The following ANKRD11 variants were observed in gnomAD, a reference collection of about 807,000 sequenced individuals.
ANKRD11 encodes ankyrin repeat domain 11, also known as ankyrin repeat domain-containing protein 11.
A neutral mutation model predicts 195.7 loss-of-function variants in ANKRD11; 17 were observed. That is an observed-to-expected ratio of 0.09 (90% confidence interval 0.06 to 0.13). The LOEUF is 0.13. Ranked by LOEUF, ANKRD11 falls within the 10% of genes least tolerant of loss-of-function variation. The probability of loss-of-function intolerance (pLI) is 1.00; values close to 1 mark genes in which losing one functional copy is unlikely to be tolerated. For missense variants in ANKRD11, 3,735 were observed against 3,566.1 expected (o/e 1.05, Z -1.21); for synonymous variants, 1,953 against 1,528.1 (o/e 1.28, Z -6.49).
chr16:89,466,652 G>A (rs907407996), intron 1 of ANKRD11, among the ~76,000 whole-genome samples: 1 of 152,006 alleles, frequency 6.6e-6, no homozygotes, highest in South Asian at 2.1e-4. Context: ...ACCATAATGA[G>A]GTTAAAAGAA....
intron 2 of ANKRD11, among the ~76,000 whole-genome samples, chr16:89,342,635 C>T (rs1001438963): frequency 1.3e-5 from 2 of 152,140 alleles, no homozygotes; most frequent in Non-Finnish European, 2.9e-5. Context: ...TGAATAAATC[C>T]CCAAGTATGA....
At chr16:89,354,005 C>T (rs907723146) in intron 2 of ANKRD11, among the ~76,000 whole-genome samples, 1 of 152,116 alleles carries the variant, frequency 6.6e-6, no homozygotes, top group African/African-American at 2.4e-5. Flanking sequence ...AGCTGAATGC[C>T]CCAAGTCTGT....
rs763207005 is a variant in ANKRD11 at position 89,280,568 on chromosome 16, T to C, written c.5974A>G (p.Lys1992Glu). The C allele has an allele frequency of 7.4e-6, 12 of 1,613,066 alleles. No individual in the cohort carries two copies. The highest frequency in any genetic ancestry group is 6.7e-5 in the African/African-American group (5 of 74,868). The change falls in exon 9 of 13, where the codon AAG becomes GAG. Residue 1992 changes from lysine (K) to glutamate (E), a missense_variant. By Grantham distance (56) the Lys-to-Glu change is moderately conservative. Coordinates refer to ENST00000301030, the MANE Select transcript of ANKRD11 (RefSeq NM_013275.6). ...AGGGGGTCCGCGGGGCAGAAACGCT[T>C]TGGGGACTCGGGGAATCTCTGTGGA... ...KSPQRFPESP[K>E]RFCPADPLHS... is the part of the protein sequence containing the mutation.
chr16:89,476,483 G>T (rs1374896208), intron 1 of ANKRD11, among the ~76,000 whole-genome samples: 3 of 152,142 alleles, frequency 2.0e-5, no homozygotes, highest in African/African-American at 7.2e-5. Flanking sequence ...ACCAAAACCT[G>T]GCCAAACCAG....
At position 89,341,486 on chromosome 16, in the gene ANKRD11, G is replaced by A. The variant is rs187133045; in HGVS notation, c.-59-24408C>T. Among the ~76,000 whole-genome samples the A allele has an allele frequency of 1.7e-3, 266 of 152,238 alleles. 2 individuals are homozygous for A. Among genetic ancestry groups the A allele is most frequent in the Non-Finnish European group, 6.5e-4 (44 of 68,012 alleles). The stretch of plus-strand genomic sequence containing the variant: ...AAGGCCTGTGTGGGCTGCTGGGCTC[G>A]TCACCTTAGCAACGGCTCTAAACAT... On this transcript the variant is annotated intron_variant, in intron 2 of 12. Coordinates refer to ENST00000301030, the MANE Select transcript of ANKRD11 (RefSeq NM_013275.6).
intron 2 of ANKRD11, among the ~76,000 whole-genome samples, chr16:89,404,621 A>G (rs1377762712): frequency 6.6e-6 from 1 of 152,170 alleles, no homozygotes; most frequent in Admixed American, 6.5e-5. Flanking sequence ...CTAGGTCAGG[A>G]GAAGACAGAC....
At chr16:89,434,949 A>G (rs9931120) in intron 1 of ANKRD11, among the ~76,000 whole-genome samples, 77,177 of 152,090 alleles carry the variant, frequency 0.51, 19,818 homozygotes, top group Middle Eastern at 0.69. Context: ...AGCAGGGCGC[A>G]GGCCCAGGTG....
At chr16:89,276,613 C>T (rs1029199296) in intron 9 of ANKRD11, among the ~76,000 whole-genome samples, 1 of 152,166 alleles carries the variant, frequency 6.6e-6, no homozygotes, top group Non-Finnish European at 1.5e-5. Flanking sequence ...AGACAGGGCA[C>T]GGGAGGGCCT....
chr16:89,426,529 TCACACACACACACA>T (rs55664494), intron 1 of ANKRD11, among the ~76,000 whole-genome samples: 17 of 142,356 alleles, frequency 1.2e-4, no homozygotes, highest in South Asian at 2.4e-4. Flanking sequence ...CACTTAAACA[TCACACACACACACA>T]CACACACACA....
intron 2 of ANKRD11, chr16:89,395,663 G>A (rs1485555782): frequency 6.6e-6 from 1 of 152,238 alleles, no homozygotes; most frequent in African/African-American, 2.4e-5. Flanking sequence ...GGTGTGAAAT[G>A]TTTGAAAAGT....
chr16:89,285,405 A>G lies in ANKRD11; in HGVS notation c.1137T>C (p.Ser379=), dbSNP rs1362589941. ...KDYRKETKSN[S]FISIPKMEVK... Reference sequence around the variant, plus strand: ...CCTCCATTTTGGGTATAGAGATAAAACTATTGGATTTCGTTTCTTTTCTGT... The same window carrying G: ...CCTCCATTTTGGGTATAGAGATAAAGCTATTGGATTTCGTTTCTTTTCTGT... The change falls in exon 9 of 13, where the codon AGT becomes AGC. Residue 379 remains serine, a synonymous_variant. Coordinates refer to ENST00000301030, the MANE Select transcript of ANKRD11 (RefSeq NM_013275.6). The surrounding 1 kb of genome is among the most constrained non-coding windows in gnomAD (Gnocchi z 5.6). The G allele has an allele frequency of 6.2e-7, 1 of 1,613,898 alleles. No individual in the cohort carries two copies. The highest frequency in any genetic ancestry group is 8.5e-7 in the Non-Finnish European group (1 of 1,180,016).
At position 89,291,595 on chromosome 16, in the gene ANKRD11, T is replaced by C. The variant is rs2035069359; in HGVS notation, c.227-412A>G. On this transcript the variant is annotated intron_variant, in intron 4 of 12. Transcript: ENST00000301030. This position sits in a 1 kb window ranked among gnomAD's most constrained non-coding sequence, Gnocchi z 5.3. ...CTGTAATTCAATTCCACCTTCCCCG[T>C]CCCTCCTCCAAACAGTGCAGATATA... The C allele has an allele frequency of 1.9e-6, 2 of 1,061,536 alleles. No individual in the cohort carries two copies. Among genetic ancestry groups the C allele is most frequent in the Non-Finnish European group, 2.6e-6 (2 of 778,356 alleles). 65.8% of individuals were successfully genotyped at this position (1,061,536 alleles called of 1,614,324 possible).
chr16:89,273,123 A>G (rs1434438673), intron 11 of ANKRD11: 2 of 151,972 alleles, frequency 1.3e-5, no homozygotes, highest in African/African-American at 2.4e-5. Context: ...AGTCAATAGT[A>G]ACTGCATTGT....
chr16:89,405,135 G>A (rs542361530), intron 2 of ANKRD11, among the ~76,000 whole-genome samples: 3 of 152,100 alleles, frequency 2.0e-5, no homozygotes, highest in Non-Finnish European at 4.4e-5. Flanking sequence ...GCGAGGTTGC[G>A]GTGAGTGGAG....
chr16:89,279,180 G>T lies in ANKRD11; in HGVS notation c.7362C>A (p.Ile2454=). 6.2e-7 allele frequency: 1 copy of T among 1,612,852 alleles called. No individual in the cohort carries two copies. The highest frequency in any genetic ancestry group is 8.5e-7 in the Non-Finnish European group (1 of 1,179,918). ...GCGCCTGCGGCGTGATACAGCACAG[G>T]ATCTTGCGCTTCTCCTCGATCTTCT... ...IRKKIEEKRK[I]LCCITPQAPQ... Residue 2454 remains isoleucine, a synonymous_variant, in exon 9 of 13, where the codon ATC becomes ATA. Transcript: ENST00000301030. The surrounding 1 kb of genome is among the most constrained non-coding windows in gnomAD (Gnocchi z 5.6).
intron 2 of ANKRD11, among the ~76,000 whole-genome samples, chr16:89,336,154 T>C (rs1276110496): frequency 6.6e-6 from 1 of 152,250 alleles, no homozygotes; most frequent in Admixed American, 6.5e-5. Flanking sequence ...CCCAGGCCTC[T>C]GGCCACTTGT....
intron 1 of ANKRD11, among the ~76,000 whole-genome samples, chr16:89,440,199 G>T (rs574357706): frequency 6.6e-6 from 1 of 152,338 alleles, no homozygotes; most frequent in East Asian, 1.9e-4. Context: ...TCCTCCGGAA[G>T]AATTCAGTGT....
chr16:89,335,040 T>A (rs2038275612), intron 2 of ANKRD11, among the ~76,000 whole-genome samples: 1 of 152,074 alleles, frequency 6.6e-6, no homozygotes, highest in African/African-American at 2.4e-5. Context: ...TGTGTGCCAT[T>A]TCCTCCACGG....
At chr16:89,273,208 C>T (rs191543048) in intron 11 of ANKRD11, among the ~76,000 whole-genome samples, 1 of 152,102 alleles carries the variant, frequency 6.6e-6, no homozygotes, top group Non-Finnish European at 1.5e-5. Context: ...AGGGGATGGA[C>T]ACCCATTGGA....
Sources: allele counts gnomAD v4.1 joint callset (sites outside exome capture counted in the v4.1 genomes callset), GRCh38; gene constraint gnomAD v4.1.1; non-coding constraint Gnocchi (gnomAD v3.1); transcripts MANE v1.5; gene names NCBI Gene and HGNC (gene_info 2026-07-23, HGNC 2026-07-21).